KLF13: variants seen among roughly 807,000 people sequenced by gnomAD.
The protein encoded by KLF13 is Krueppel-like factor 13.
KLF13 carries 8 observed loss-of-function variants against 16.7 expected under a neutral mutation model. The observed-to-expected ratio is 0.48, with a 90% CI of 0.28 to 0.87. The LOEUF is 0.87. KLF13 is among the 40% of genes least tolerant of loss of function. The probability of loss-of-function intolerance (pLI) is 0.10; values close to 1 mark genes in which losing one functional copy is unlikely to be tolerated. For synonymous variants in KLF13, 245 were observed against 208.4 expected (o/e 1.18, Z -1.51); for missense variants, 447 against 452.2 (o/e 0.99, Z 0.10).
At chr15:31,371,792 C>T (rs1435740675) in intron 1 of KLF13, among the ~76,000 whole-genome samples, 1 of 152,256 alleles carries the variant, frequency 6.6e-6, no homozygotes, top group Non-Finnish European at 1.5e-5. Flanking sequence ...CTGTTTTATC[C>T]TAGGCCGTGT....
At chr15:31,380,988 A>G (rs955788029), downstream of KLF13, among the ~76,000 whole-genome samples, 1 of 152,170 alleles carries the variant, frequency 6.6e-6, no homozygotes, top group Non-Finnish European at 1.5e-5. Context: ...CCTGGCTAAC[A>G]TCATGAAACC....
At chr15:31,406,271 G>A (rs376929256), downstream of KLF13, among the ~76,000 whole-genome samples, 1 of 152,176 alleles carries the variant, frequency 6.6e-6, no homozygotes, top group African/African-American at 2.4e-5. Context: ...GAGGTCAGGA[G>A]TTTGAGACCA....
intron 1 of KLF13, among the ~76,000 whole-genome samples, chr15:31,412,252 T>A (rs1364591131): frequency 6.6e-6 from 1 of 152,242 alleles, no homozygotes; most frequent in Non-Finnish European, 1.5e-5. Context: ...TGCTAGCACC[T>A]TGATCTTAGA....
chr15:31,414,047 A>G (rs1309612183), intron 1 of KLF13, among the ~76,000 whole-genome samples: 3 of 152,200 alleles, frequency 2.0e-5, no homozygotes, highest in African/African-American at 4.8e-5. Flanking sequence ...TAAAATTAAT[A>G]GATGTAATGC....
At chr15:31,399,695 T>G (rs1595499337) in intron 2 of KLF13, among the ~76,000 whole-genome samples, 1 of 152,340 alleles carries the variant, frequency 6.6e-6, no homozygotes, top group East Asian at 1.9e-4. Context: ...CAGAGCTGGC[T>G]CAGCTTGGGT....
At chr15:31,343,315 G>C (rs1010916551) in intron 1 of KLF13, among the ~76,000 whole-genome samples, 1 of 152,260 alleles carries the variant, frequency 6.6e-6, no homozygotes, top group Non-Finnish European at 1.5e-5. Flanking sequence ...AGTTGCCTTC[G>C]GGATTTCAGA....
chr15:31,395,276 G>C (rs2039939378), intron 2 of KLF13, among the ~76,000 whole-genome samples: 1 of 152,130 alleles, frequency 6.6e-6, no homozygotes. Context: ...CACTGTGCCC[G>C]GCCCCTACTC....
At chr15:31,385,238 A>G (rs982359324) in intron 1 of KLF13, among the ~76,000 whole-genome samples, 4 of 152,206 alleles carry the variant, frequency 2.6e-5, no homozygotes, top group Non-Finnish European at 5.9e-5. Context: ...TATAGTAATT[A>G]GTTTTAGCAG....
At chr15:31,340,137 G>T (rs2038997708) in intron 1 of KLF13, 1 of 676,774 alleles carries the variant, frequency 1.5e-6, no homozygotes, top group African/African-American at 1.8e-5. Flanking sequence ...GTCTATTTGG[G>T]TCCCTTCTCA....
chr15:31,399,595 T>C (rs2040005362), intron 2 of KLF13, among the ~76,000 whole-genome samples: 1 of 152,212 alleles, frequency 6.6e-6, no homozygotes, highest in African/African-American at 2.4e-5. Flanking sequence ...GCCTGCCCCC[T>C]CTACTCCTAG....
intron 1 of KLF13, among the ~76,000 whole-genome samples, chr15:31,333,867 G>A (rs1296587444): frequency 6.6e-6 from 1 of 152,166 alleles, no homozygotes; most frequent in Non-Finnish European, 1.5e-5. Flanking sequence ...GGATTGGTCT[G>A]ATTGTTTCCC....
chr15:31,428,185 T>C (rs1253180746), intron 1 of KLF13, among the ~76,000 whole-genome samples: 2 of 152,178 alleles, frequency 1.3e-5, no homozygotes, highest in Non-Finnish European at 2.9e-5. Flanking sequence ...GAAAGTAGAA[T>C]GGTGGTTGCC....
intron 2 of KLF13, among the ~76,000 whole-genome samples, chr15:31,394,533 A>G (rs1286335680): frequency 6.6e-6 from 1 of 152,092 alleles, no homozygotes. Flanking sequence ...AGTATTTTAA[A>G]GAGTGTGGGT....
At chr15:31,396,318 C>T (rs1191661129) in intron 2 of KLF13, among the ~76,000 whole-genome samples, 5 of 152,240 alleles carry the variant, frequency 3.3e-5, no homozygotes, top group Middle Eastern at 3.4e-3. Flanking sequence ...CCACCGTGCC[C>T]GGCCTAATTT....
At chr15:31,426,630 TA>T (rs1415466688) in intron 1 of KLF13, among the ~76,000 whole-genome samples, 2 of 152,166 alleles carry the variant, frequency 1.3e-5, no homozygotes, top group Non-Finnish European at 2.9e-5. Context: ...ATAACCTGAT[TA>T]AAAAATGGAC....
At chr15:31,356,929 C>T (rs765733709) in intron 1 of KLF13, among the ~76,000 whole-genome samples, 4 of 152,166 alleles carry the variant, frequency 2.6e-5, no homozygotes, top group Non-Finnish European at 4.4e-5. Context: ...ACATTCTTGC[C>T]ACTTTCTTCA....
intron 2 of KLF13, among the ~76,000 whole-genome samples, chr15:31,394,668 T>A (rs1386894724): frequency 6.6e-6 from 1 of 152,190 alleles, no homozygotes; most frequent in Non-Finnish European, 1.5e-5. Context: ...TGAGATATAA[T>A]TCACATATAT....
In KLF13 at chr15:31,423,142, T is replaced by TATATACGTATATATACACGTATATATAC. The variant is rs1566848334; in HGVS notation, n.118-12227_118-12226insTATACGTATATATACACGTATATATACA. 1.4e-3 allele frequency among the ~76,000 whole-genome samples: 144 copies of TATATACGTATATATACACGTATATATAC among 101,848 alleles called. 19 individuals are homozygous for TATATACGTATATATACACGTATATATAC. The highest frequency in any genetic ancestry group is 1.7e-3 in the Non-Finnish European group (98 of 57,858). 66.8% of individuals were successfully genotyped at this position (101,848 alleles called of 152,430 possible). Reference sequence around the variant, plus strand: ...ATATACGTATATATACGTATACGTATACGTATATATACGTATATATATGTA... The same window carrying TATATACGTATATATACACGTATATATAC: ...ATATACGTATATATACGTATACGTATATATACGTATATATACACGTATATATACACGTATATATACGTATATATATGTA... On this transcript the variant is annotated intron_variant and non_coding_transcript_variant, in intron 1 of 1. Coordinates refer to the KLF13 transcript ENST00000558225.
rs757622609 is a variant in KLF13, at chr15:31,372,116, C to T, written c.684C>T (p.Ser228=). ...CACACACGGGCGAGAAGAAGTTCAG[C>T]TGCCCCATCTGCGAGAAGCGCTTCA... ...YRTHTGEKKF[S]CPICEKRFMR... Residue 228 remains serine, a synonymous_variant, in exon 2 of 2, where the codon AGC becomes AGT. Transcript: ENST00000307145. 2 of 1,613,128 alleles carry T rather than the reference C, an allele frequency of 1.2e-6. No individual in the cohort carries two copies. Among genetic ancestry groups the T allele is most frequent in the Non-Finnish European group, 1.7e-6 (2 of 1,179,988 alleles).
Sources: allele counts gnomAD v4.1 joint callset (sites outside exome capture counted in the v4.1 genomes callset), GRCh38; gene constraint gnomAD v4.1.1; transcripts MANE v1.5; gene names NCBI Gene and HGNC (gene_info 2026-07-23, HGNC 2026-07-21).